The following NHSL1 variants were observed in gnomAD, a reference collection of about 807,000 sequenced individuals.
NHSL1 encodes the protein NHS-like protein 1.
Under a neutral mutation model 95.0 loss-of-function variants are expected in NHSL1, and 48 were observed. The observed-to-expected ratio is 0.51, with a 90% CI of 0.40 to 0.64. The LOEUF is 0.64. NHSL1 is among the 30% of genes least tolerant of loss of function. NHSL1 has a pLI of 0.00. For synonymous variants in NHSL1, 783 were observed against 833.9 expected, an observed-to-expected ratio of 0.94 and a Z score of 1.05; for missense variants, 1,971 against 2,077.7, an observed-to-expected ratio of 0.95 and a Z score of 1.00.
chr6:138,672,842 C>T (rs886815615), intron 1 of NHSL1, among the ~76,000 whole-genome samples: 3 of 152,104 alleles, frequency 2.0e-5, no homozygotes, highest in African/African-American at 7.2e-5. Context: ...CATGATGAAA[C>T]CTTGTCTCTA....
At chr6:138,559,855 C>T (rs1783346987) in intron 1 of NHSL1, among the ~76,000 whole-genome samples, 1 of 152,156 alleles carries the variant, frequency 6.6e-6, no homozygotes, top group African/African-American at 2.4e-5. Context: ...GTAAATCATT[C>T]CACAAAGCTA....
At chr6:138,629,132 G>A (rs373220077) in intron 1 of NHSL1, among the ~76,000 whole-genome samples, 16 of 152,044 alleles carry the variant, frequency 1.1e-4, no homozygotes, top group Non-Finnish European at 1.6e-4. Context: ...AAGTTCTGCC[G>A]CCTGTACACA....
chr6:138,545,406 T>C (rs757755423), intron 1 of NHSL1, among the ~76,000 whole-genome samples: 2 of 152,194 alleles, frequency 1.3e-5, no homozygotes, highest in Non-Finnish European at 2.9e-5. Context: ...CACAGAAATA[T>C]CCTTTCTGTC....
intron 1 of NHSL1, among the ~76,000 whole-genome samples, chr6:138,521,480 A>T (rs1256793468): frequency 6.6e-6 from 1 of 152,088 alleles, no homozygotes. Flanking sequence ...AAAACAAAAC[A>T]GCTACCCCCT....
intron 1 of NHSL1, among the ~76,000 whole-genome samples, chr6:138,506,574 T>C (rs1655565618): frequency 6.6e-6 from 1 of 152,222 alleles, no homozygotes; most frequent in South Asian, 2.1e-4. Flanking sequence ...GATACACTTA[T>C]GCTAAAATAT....
intron 1 of NHSL1, among the ~76,000 whole-genome samples, chr6:138,497,434 C>G (rs1355324975): frequency 6.6e-6 from 1 of 152,184 alleles, no homozygotes; most frequent in Non-Finnish European, 1.5e-5. Flanking sequence ...CTTCCTGACT[C>G]TGATCTATGC....
chr6:138,579,693 G>C (rs997731412), intron 1 of NHSL1, among the ~76,000 whole-genome samples: 2 of 152,154 alleles, frequency 1.3e-5, no homozygotes, highest in Non-Finnish European at 2.9e-5. Flanking sequence ...GATCTGCTGG[G>C]TTCTACTAGG....
chr6:138,682,013 A>G (rs1355952787), intron 1 of NHSL1, among the ~76,000 whole-genome samples: 1 of 141,080 alleles, frequency 7.1e-6, no homozygotes, highest in East Asian at 2.1e-4. Flanking sequence ...CGGAGTTTTG[A>G]TCTTGTCGCC....
chr6:138,493,686 C>A, intron 2 of NHSL1, among the ~76,000 whole-genome samples: 1 of 152,200 alleles, frequency 6.6e-6, no homozygotes, highest in East Asian at 1.9e-4. Context: ...GGAACGGTGC[C>A]ATTTAACATT....
Position 138,424,142 on chromosome 6 carries a change from G to A in NHSL1, c.4760C>T (p.Ala1587Val). 6.9e-7 allele frequency: 1 copy of A among 1,439,526 alleles called. No individual in the cohort carries two copies. Among genetic ancestry groups the A allele is most frequent in the African/African-American group, 1.4e-5 (1 of 69,884 alleles). The allele number at this position is 1,439,526 out of a possible 1,614,324, so 89.2% of individuals were successfully genotyped here. A position where few individuals can be genotyped will look rare whatever the true frequency, so the allele number is the denominator to read the frequency against. Residue 1587 changes from alanine to valine, a missense_variant, in exon 8 of 8, where the codon GCC (alanine) becomes GTC (valine). Ala to Val is a moderately conservative substitution (Grantham distance 64, BLOSUM62 0). This residue lies in a region of NHSL1 where 223 missense variants were observed against 217.0 expected (regional missense o/e 1.03). Transcript: ENST00000343505. The surrounding 1 kb of genome is among the most constrained non-coding windows in gnomAD (Gnocchi z 5.9). ...PQAPGPVDGT[A>V]SAEGREPSPQ... ...GGAGGGCTCTCTGCCCTCTGCACTGGCTGTCCCATCCACAGGGCCGGGGGC... is the reference window on the plus strand; with the variant it reads ...GGAGGGCTCTCTGCCCTCTGCACTGACTGTCCCATCCACAGGGCCGGGGGC...
At chr6:138,511,285 T>C (rs532158015) in intron 1 of NHSL1, among the ~76,000 whole-genome samples, 1 of 152,110 alleles carries the variant, frequency 6.6e-6, no homozygotes, top group South Asian at 2.1e-4. Flanking sequence ...CAGCCAAAAC[T>C]GAAGCTTGGC....
At chr6:138,584,478 G>T (rs35802064) in intron 1 of NHSL1, among the ~76,000 whole-genome samples, 27,521 of 152,152 alleles carry the variant, frequency 0.18, 3,209 homozygotes, top group East Asian at 0.38. Context: ...TCCATAAGTA[G>T]AAGGGCTATT....
At chr6:138,657,292 A>C (rs897797226) in intron 1 of NHSL1, among the ~76,000 whole-genome samples, 4 of 152,198 alleles carry the variant, frequency 2.6e-5, no homozygotes, top group African/African-American at 9.7e-5. Context: ...CCCTAAAGCC[A>C]ATGCTTTTTC....
intron 1 of NHSL1, among the ~76,000 whole-genome samples, chr6:138,599,131 G>T (rs1363248061): frequency 6.6e-6 from 1 of 152,108 alleles, no homozygotes; most frequent in Non-Finnish European, 1.5e-5. Flanking sequence ...AACATTCTGA[G>T]CTACCTAATT....
Position 138,437,234 on chromosome 6 carries a change from A to G in NHSL1, c.665-3554T>C, listed in dbSNP as rs191448631. On this transcript the variant is annotated intron_variant, in intron 5 of 7. Coordinates refer to ENST00000343505, the MANE Select transcript of NHSL1 (RefSeq NM_001144060.2). The stretch of plus-strand genomic sequence containing the variant: ...GGTTGCAGTGAGCTGAGATCGCGCC[A>G]TTGCACTCCAGCCTGGGCAACAAGA... 4.9e-3 allele frequency among the ~76,000 whole-genome samples: 724 copies of G among 149,072 alleles called. 6 individuals are homozygous for G. The highest frequency in any genetic ancestry group is 0.017 in the African/African-American group (673 of 40,514).
chr6:138,531,571 T>G (rs1471338875), intron 1 of NHSL1, among the ~76,000 whole-genome samples: 4 of 151,426 alleles, frequency 2.6e-5, no homozygotes, highest in Non-Finnish European at 5.9e-5. Context: ...CAGGCTGGAG[T>G]GCAGTGGCAA....
intron 1 of NHSL1, among the ~76,000 whole-genome samples, chr6:138,537,987 A>G (rs7770719): frequency 6.6e-6 from 1 of 152,204 alleles, no homozygotes; most frequent in Non-Finnish European, 1.5e-5. Flanking sequence ...TCAACACGCA[A>G]TGAAATAACA....
Position 138,508,590 on chromosome 6 carries a change from T to C in NHSL1, c.17-12219A>G, listed in dbSNP as rs186897771. On this transcript the variant is annotated intron_variant, in intron 1 of 4. Transcript: ENST00000342260. ...TCAATTCCATGTGCTACTTGCTGCCTTCAGTAAGGGCCAGTGAGGTGAGGG... is the reference window on the plus strand; with the variant it reads ...TCAATTCCATGTGCTACTTGCTGCCCTCAGTAAGGGCCAGTGAGGTGAGGG... Among the ~76,000 whole-genome samples, 256 of 152,292 alleles carry C rather than the reference T, an allele frequency of 1.7e-3. 1 individual carries two copies. Among genetic ancestry groups the C allele is most frequent in the Non-Finnish European group, 3.2e-4 (22 of 68,010 alleles).
chr6:138,496,758 C>T (rs1409497649), intron 1 of NHSL1, among the ~76,000 whole-genome samples: 2 of 152,176 alleles, frequency 1.3e-5, no homozygotes, highest in Non-Finnish European at 2.9e-5. Flanking sequence ...ATAATGCCAT[C>T]GCAACAGTAA....
Sources: gnomAD v4.1 joint callset for allele counts (sites outside exome capture counted in the v4.1 genomes callset) on GRCh38, gnomAD v4.1.1 for gene constraint, gnomAD v4.1.1 regional missense constraint, Gnocchi (gnomAD v3.1) non-coding constraint, MANE v1.5 for transcripts, NCBI Gene and HGNC (gene_info 2026-07-23, HGNC 2026-07-21) for gene names.